Variants in GRID2 observed in about 807,000 individuals in gnomAD.
GRID2 encodes the protein glutamate ionotropic receptor delta type subunit 2.
Under a neutral mutation model 114.8 loss-of-function variants are expected in GRID2, and 33 were observed. The ratio of observed to expected loss-of-function variants is 0.29; its 90% confidence interval spans 0.22 to 0.38. The LOEUF (loss-of-function observed/expected upper bound fraction) is 0.38, where lower values mean the gene tolerates loss of function less well. GRID2 is among the 10% of genes least tolerant of loss of function. The pLI is 1.00. For synonymous variants in GRID2, 505 were observed against 449.9 expected (o/e 1.12, Z -1.55); for missense variants, 1,184 against 1,257.7 (o/e 0.94, Z 0.89).
intron 13 of GRID2, among the ~76,000 whole-genome samples, chr4:93,573,092 G>A (rs1443954700): frequency 6.6e-6 from 1 of 152,160 alleles, no homozygotes; most frequent in Non-Finnish European, 1.5e-5. Context: ...GAGAGACAGA[G>A]AGAAAGAGAG....
At chr4:92,863,933 G>T (rs1744696891) in intron 2 of GRID2, among the ~76,000 whole-genome samples, 1 of 152,074 alleles carries the variant, frequency 6.6e-6, no homozygotes, top group African/African-American at 2.4e-5. Context: ...CAGCCATTCA[G>T]TTCAAAGGAT....
At chr4:93,632,129 C>T (rs538167486) in intron 14 of GRID2, among the ~76,000 whole-genome samples, 70 of 152,078 alleles carry the variant, frequency 4.6e-4, no homozygotes, top group Middle Eastern at 3.4e-3. Context: ...CTTTGTCAGA[C>T]GAGTAGATTG....
chr4:92,995,908 T>C (rs986618363), intron 2 of GRID2, among the ~76,000 whole-genome samples: 7 of 152,212 alleles, frequency 4.6e-5, no homozygotes, highest in African/African-American at 1.7e-4. Context: ...TGATCATTGC[T>C]ATTCCATACT....
exon 2 of GRID2, chr4:93,809,262 AAT>A: frequency 6.6e-6 from 1 of 152,240 alleles, no homozygotes; most frequent in South Asian, 2.1e-4. Context: ...TGGCTGATCC[AAT>A]TTGAGTTCAG....
chr4:93,498,938 T>C (rs1727831805), intron 12 of GRID2, among the ~76,000 whole-genome samples: 1 of 151,930 alleles, frequency 6.6e-6, no homozygotes, highest in Middle Eastern at 3.2e-3. Flanking sequence ...TTTCTCAAAT[T>C]GAGGAAGTTA....
chr4:92,686,618 CCATT>C (rs1332772615), intron 2 of GRID2, among the ~76,000 whole-genome samples: 1 of 152,018 alleles, frequency 6.6e-6, no homozygotes, highest in Non-Finnish European at 1.5e-5. Context: ...ATTCACTAAA[CCATT>C]CATCAAGTTA....
intron 1 of GRID2, among the ~76,000 whole-genome samples, chr4:92,371,326 G>T (rs1413282231): frequency 1.3e-5 from 2 of 152,268 alleles, no homozygotes; most frequent in South Asian, 2.1e-4. Flanking sequence ...AAGATGCCAT[G>T]TGGTACTTCC....
At chr4:92,975,008 T>G in intron 2 of GRID2, among the ~76,000 whole-genome samples, 1 of 151,484 alleles carries the variant, frequency 6.6e-6, no homozygotes, top group Admixed American at 6.6e-5. Flanking sequence ...ATACAAAAAA[T>G]TAGCCGGGCA....
At chr4:92,845,945 A>G (rs1037601087) in intron 2 of GRID2, among the ~76,000 whole-genome samples, 1 of 151,754 alleles carries the variant, frequency 6.6e-6, no homozygotes, top group East Asian at 1.9e-4. Context: ...TGTTTGATCT[A>G]TTTTTCCACC....
chr4:92,820,382 C>G (rs1247908030), intron 2 of GRID2, among the ~76,000 whole-genome samples: 1 of 152,090 alleles, frequency 6.6e-6, no homozygotes, highest in African/African-American at 2.4e-5. Context: ...TAGATTTAAG[C>G]TGAAAGTCAG....
chr4:92,388,263 TA>T (rs1417574084), intron 1 of GRID2, among the ~76,000 whole-genome samples: 3 of 152,032 alleles, frequency 2.0e-5, no homozygotes, highest in Non-Finnish European at 4.4e-5. Flanking sequence ...TTGGCTGTTT[TA>T]AAAATCAGAA....
intron 2 of GRID2, among the ~76,000 whole-genome samples, chr4:92,718,961 C>T (rs915413892): frequency 6.6e-6 from 1 of 151,664 alleles, no homozygotes; most frequent in African/African-American, 2.4e-5. Flanking sequence ...TTTTGTGACC[C>T]AGTTTCTTGA....
intron 1 of GRID2, among the ~76,000 whole-genome samples, chr4:92,471,195 A>G (rs375903773): frequency 6.6e-6 from 1 of 152,066 alleles, no homozygotes; most frequent in South Asian, 2.1e-4. Context: ...TTTAAACAAC[A>G]TTCTGAGGTA....
At chr4:92,683,473 G>A (rs1733750992) in intron 2 of GRID2, among the ~76,000 whole-genome samples, 1 of 151,886 alleles carries the variant, frequency 6.6e-6, no homozygotes, top group Non-Finnish European at 1.5e-5. Flanking sequence ...TGGTGTTTTT[G>A]GCAAACTTGA....
chr4:93,193,928 C>T (rs573030097), intron 4 of GRID2, among the ~76,000 whole-genome samples: 1 of 152,228 alleles, frequency 6.6e-6, no homozygotes, highest in Non-Finnish European at 1.5e-5. Flanking sequence ...TAGTCCTATT[C>T]TGTAGTTCCT....
chr4:93,129,842 T>G lies in GRID2; in HGVS notation c.735+18889T>G, dbSNP rs1231365679. 2.0e-5 allele frequency among the ~76,000 whole-genome samples: 3 copies of G among 152,112 alleles called. No homozygotes were observed. In the East Asian group the frequency reaches 5.8e-4, roughly 29 times the overall value. Reference sequence around the variant, plus strand: ...ATTAGAACTTACAACAAATTTGGGGTGTTCCATTTCAGATGGTACCCAGTG... The same window carrying G: ...ATTAGAACTTACAACAAATTTGGGGGGTTCCATTTCAGATGGTACCCAGTG... On this transcript the variant is annotated intron_variant, in intron 4 of 15. Transcript: ENST00000282020.
At position 92,646,621 on chromosome 4, in the gene GRID2, G is replaced by C. The variant is rs527445857; in HGVS notation, c.244+56335G>C. ...ATTTTTTGTCTATGATGACTGCTGG[G>C]GCTAACAGTTTAATCCTTTTGATTT... On this transcript the variant is annotated intron_variant, in intron 2 of 15. Coordinates refer to ENST00000282020, the MANE Select transcript of GRID2 (RefSeq NM_001510.4). Among the ~76,000 whole-genome samples, 8 of 152,336 alleles carry C rather than the reference G, an allele frequency of 5.3e-5. No homozygotes were observed. The South Asian group carries it at 1.2e-3, about 24-fold the overall frequency.
At chr4:92,759,651 C>T (rs1737893803) in intron 2 of GRID2, among the ~76,000 whole-genome samples, 1 of 152,012 alleles carries the variant, frequency 6.6e-6, no homozygotes, top group African/African-American at 2.4e-5. Context: ...GTTGCCCAGG[C>T]TGGAGTGCAA....
intron 14 of GRID2, among the ~76,000 whole-genome samples, chr4:93,650,047 C>G (rs1362073562): frequency 6.6e-6 from 1 of 152,114 alleles, no homozygotes; most frequent in African/African-American, 2.4e-5. Flanking sequence ...CACTAGGGTA[C>G]TCTTGGTGCC....
Sources: gnomAD v4.1 joint callset for allele counts (sites outside exome capture counted in the v4.1 genomes callset) on GRCh38, gnomAD v4.1.1 for gene constraint, MANE v1.5 for transcripts, NCBI Gene and HGNC (gene_info 2026-07-23, HGNC 2026-07-21) for gene names.